Variants in ROBO1 observed in about 807,000 individuals in gnomAD.
ROBO1 encodes roundabout guidance receptor 1.
ROBO1 carries 149 observed loss-of-function variants against 195.9 expected under a neutral mutation model. That is an observed-to-expected ratio of 0.76 (90% confidence interval 0.67 to 0.87). The LOEUF (loss-of-function observed/expected upper bound fraction) is 0.87, where lower values mean the gene tolerates loss of function less well. Ranked by LOEUF, ROBO1 falls within the 40% of genes least tolerant of loss-of-function variation. The pLI, the probability that ROBO1 is intolerant of heterozygous loss-of-function variation, is 0.00. For missense variants in ROBO1, 1,933 were observed against 2,068.3 expected (o/e 0.93, Z 1.27); for synonymous variants, 816 against 733.2 (o/e 1.11, Z -1.82).
intron 4 of ROBO1, among the ~76,000 whole-genome samples, chr3:78,851,229 C>T (rs2034043288): frequency 1.3e-5 from 2 of 152,258 alleles, no homozygotes; most frequent in South Asian, 2.1e-4. Context: ...CAGGATGATT[C>T]TGTCTCTGGA....
chr3:79,023,868 T>C (rs2078151774), intron 3 of ROBO1, among the ~76,000 whole-genome samples: 2 of 149,982 alleles, frequency 1.3e-5, no homozygotes, highest in African/African-American at 4.9e-5. Context: ...CACACCCGGC[T>C]ATTTTTTTTT....
intron 2 of ROBO1, among the ~76,000 whole-genome samples, chr3:79,272,873 A>G (rs1327155953): frequency 6.6e-6 from 1 of 152,086 alleles, no homozygotes; most frequent in Non-Finnish European, 1.5e-5. Context: ...GAAAAGAAAC[A>G]AGTAACATAC....
intron 5 of ROBO1, among the ~76,000 whole-genome samples, chr3:78,723,362 C>T (rs1488853390): frequency 2.6e-5 from 4 of 152,206 alleles, no homozygotes; most frequent in Non-Finnish European, 5.9e-5. Context: ...TATAAGTAAA[C>T]TCTATCATGG....
chr3:78,982,916 T>C (rs2077030312), intron 3 of ROBO1, among the ~76,000 whole-genome samples: 1 of 151,966 alleles, frequency 6.6e-6, no homozygotes, highest in African/African-American at 2.4e-5. Context: ...ACCACATCTT[T>C]TTTTTTTATT....
chr3:79,361,583 T>C (rs549553710), intron 2 of ROBO1, among the ~76,000 whole-genome samples: 1 of 152,170 alleles, frequency 6.6e-6, no homozygotes, highest in East Asian at 1.9e-4. Flanking sequence ...TTAATAAAGA[T>C]TGGCAAGGAC....
intron 1 of ROBO1, among the ~76,000 whole-genome samples, chr3:79,745,595 T>C (rs1185514072): frequency 6.6e-6 from 1 of 152,176 alleles, no homozygotes; most frequent in African/African-American, 2.4e-5. Context: ...TAGCCTTTTT[T>C]CTTTATTTTC....
intron 3 of ROBO1, among the ~76,000 whole-genome samples, chr3:78,948,643 T>C (rs2040591855): frequency 6.6e-6 from 1 of 152,046 alleles, no homozygotes; most frequent in African/African-American, 2.4e-5. Flanking sequence ...CTATTCAACA[T>C]AGTGTTGGAA....
At chr3:78,926,670 G>A (rs1167528884) in intron 4 of ROBO1, among the ~76,000 whole-genome samples, 1 of 152,154 alleles carries the variant, frequency 6.6e-6, no homozygotes, top group African/African-American at 2.4e-5. Context: ...GGGGATGAGA[G>A]AACAGAGAGT....
intron 3 of ROBO1, among the ~76,000 whole-genome samples, chr3:78,972,885 T>C (rs1258877166): frequency 6.6e-6 from 1 of 152,178 alleles, no homozygotes. Context: ...TTTTCCTACC[T>C]GGAGCTGGCA....
intron 2 of ROBO1, among the ~76,000 whole-genome samples, chr3:79,545,602 T>C (rs1029381893): frequency 4.6e-5 from 7 of 152,210 alleles, no homozygotes; most frequent in Non-Finnish European, 7.3e-5. Context: ...CAGTATTAAA[T>C]ATGTGATAAT....
intron 1 of ROBO1, among the ~76,000 whole-genome samples, chr3:79,728,586 A>C (rs886870138): frequency 6.6e-6 from 1 of 152,212 alleles, no homozygotes; most frequent in African/African-American, 2.4e-5. Context: ...TAGTATTTAT[A>C]ATTACACATA....
intron 2 of ROBO1, among the ~76,000 whole-genome samples, chr3:79,146,543 A>G (rs910463324): frequency 3.3e-5 from 5 of 151,974 alleles, no homozygotes; most frequent in African/African-American, 1.2e-4. Context: ...CTGTGCATGT[A>G]TATATAACAT....
chr3:79,450,400 AAAT>A (rs1019172685), intron 2 of ROBO1, among the ~76,000 whole-genome samples: 2 of 151,950 alleles, frequency 1.3e-5, no homozygotes, highest in South Asian at 2.1e-4. Context: ...AAAGTAAGAA[AAAT>A]AATAATAATA....
In ROBO1 at chr3:79,142,047, C is replaced by T. The variant is rs565005875; in HGVS notation, c.89-16508G>A. ...ATAGTGAGATGATATGTTTCACTTA[C>T]AAATATTTTTCCAAAAGAGACATTC... On this transcript the variant is annotated intron_variant, in intron 2 of 30. Coordinates refer to ENST00000464233, the MANE Select transcript of ROBO1 (RefSeq NM_002941.4). Among the ~76,000 whole-genome samples, 5 of 151,928 alleles carry T rather than the reference C, an allele frequency of 3.3e-5. No individual in the cohort carries two copies. In the East Asian group the frequency reaches 9.7e-4, roughly 30 times the overall value.
chr3:79,746,158 G>A (rs983664682), intron 1 of ROBO1, among the ~76,000 whole-genome samples: 1 of 151,986 alleles, frequency 6.6e-6, no homozygotes, highest in Non-Finnish European at 1.5e-5. Context: ...TAGTTCTAGG[G>A]AAAGTTTTCA....
chr3:79,541,513 C>A (rs59407357), intron 2 of ROBO1, among the ~76,000 whole-genome samples: 86,832 of 151,786 alleles, frequency 0.57, 24,970 homozygotes, highest in Non-Finnish European at 0.6. Flanking sequence ...TCTTTAAGGA[C>A]AGAAATATGG....
At chr3:78,620,963 A>C (rs951547265) in intron 26 of ROBO1, among the ~76,000 whole-genome samples, 4 of 151,198 alleles carry the variant, frequency 2.6e-5, no homozygotes, top group African/African-American at 4.9e-5. Flanking sequence ...AAAACTAAGA[A>C]ATAAAAGCTA....
intron 4 of ROBO1, among the ~76,000 whole-genome samples, chr3:78,772,661 C>A (rs1443480371): frequency 6.6e-6 from 1 of 151,896 alleles, no homozygotes; most frequent in East Asian, 1.9e-4. Context: ...AGACAGTAGA[C>A]CCTATTTTCA....
At chr3:78,853,723 C>T (rs1038106567) in intron 4 of ROBO1, among the ~76,000 whole-genome samples, 7 of 151,940 alleles carry the variant, frequency 4.6e-5, no homozygotes, top group African/African-American at 1.7e-4. Flanking sequence ...AAAGACATAC[C>T]TGAGACTGGG....
Sources: allele counts gnomAD v4.1 joint callset (sites outside exome capture counted in the v4.1 genomes callset), GRCh38; gene constraint gnomAD v4.1.1; transcripts MANE v1.5; gene names NCBI Gene and HGNC (gene_info 2026-07-23, HGNC 2026-07-21).